ROBO1: variants seen among roughly 807,000 people sequenced by gnomAD.
The protein encoded by ROBO1 is roundabout guidance receptor 1, also known as roundabout homolog 1.
In ROBO1, 149 loss-of-function variants were observed where a neutral mutation model predicts 195.9. The observed-to-expected ratio is 0.76, with a 90% CI of 0.67 to 0.87. ROBO1 has a LOEUF of 0.87. ROBO1 is among the 40% of genes least tolerant of loss of function. The probability of loss-of-function intolerance (pLI) is 0.00; values close to 1 mark genes in which losing one functional copy is unlikely to be tolerated. For missense variants in ROBO1, 1,933 were observed against 2,068.3 expected (o/e 0.93, Z 1.27); for synonymous variants, 816 against 733.2 (o/e 1.11, Z -1.82).
In ROBO1 at chr3:79,290,894, C is replaced by T. The variant is rs146521705; in HGVS notation, c.89-165355G>A. Among the ~76,000 whole-genome samples the T allele has an allele frequency of 4.6e-3, 707 of 152,270 alleles. 4 individuals carry two copies. Among genetic ancestry groups the T allele is most frequent in the African/African-American group, 0.016 (679 of 41,546 alleles). ...ATCTAATTCTCTCCAGGTCACTACC[C>T]ACATTATCAGAAGACATTGAACTAT... On this transcript the variant is annotated intron_variant, in intron 2 of 30. Coordinates refer to ENST00000464233, the MANE Select transcript of ROBO1 (RefSeq NM_002941.4).
chr3:79,150,729 A>G (rs947311013), intron 2 of ROBO1, among the ~76,000 whole-genome samples: 7 of 151,830 alleles, frequency 4.6e-5, no homozygotes, highest in Non-Finnish European at 8.8e-5. Flanking sequence ...TTTACACATA[A>G]ATATTTACTA....
intron 3 of ROBO1, among the ~76,000 whole-genome samples, chr3:79,022,813 C>T (rs747998359): frequency 6.6e-6 from 1 of 152,180 alleles, no homozygotes; most frequent in Non-Finnish European, 1.5e-5. Context: ...AATTCAGGAT[C>T]TCCCCTGAGA....
intron 2 of ROBO1, among the ~76,000 whole-genome samples, chr3:79,558,778 T>C (rs1191328722): frequency 6.6e-6 from 1 of 152,194 alleles, no homozygotes; most frequent in African/African-American, 2.4e-5. Flanking sequence ...CTAATCACAA[T>C]AGCAGAGTAT....
chr3:79,509,245 A>T (rs7652893), intron 2 of ROBO1, among the ~76,000 whole-genome samples: 33,391 of 149,742 alleles, frequency 0.22, 4,365 homozygotes, highest in African/African-American at 0.34. Flanking sequence ...CTACTTTATT[A>T]TTTTTTTTTT....
chr3:79,094,639 T>C lies in ROBO1; in HGVS notation c.172+30817A>G, dbSNP rs184146367. On this transcript the variant is annotated intron_variant, in intron 3 of 30. Transcript: ENST00000464233. The stretch of plus-strand genomic sequence containing the variant: ...ATTTTTTTCAACTTTATGAAGAATA[T>C]TTAGTTTTAAATACTAATGTTCTTT... Among the ~76,000 whole-genome samples the C allele has an allele frequency of 2.6e-3, 390 of 152,272 alleles. 1 individual carries two copies. The highest frequency in any genetic ancestry group is 4.0e-3 in the Non-Finnish European group (274 of 68,018).
intron 9 of ROBO1, among the ~76,000 whole-genome samples, chr3:78,687,698 C>G (rs977488640): frequency 3.9e-5 from 6 of 152,186 alleles, no homozygotes; most frequent in Admixed American, 2.0e-4. Flanking sequence ...AATCAGAGGT[C>G]TCTGCAGTCT....
chr3:78,786,826 T>G (rs1453193728), intron 4 of ROBO1, among the ~76,000 whole-genome samples: 1 of 152,172 alleles, frequency 6.6e-6, no homozygotes, highest in Non-Finnish European at 1.5e-5. Flanking sequence ...TTACCCAGTC[T>G]CAGGTATTTC....
At position 78,607,951 on chromosome 3, in the gene ROBO1, C is replaced by G. The variant is rs1240200604; in HGVS notation, c.4436-910G>C. ...TCTACTATTCATTGATGGCATCTCA[C>G]CATTGTGTTTACGTACCCAGAGGTT... On this transcript the variant is annotated intron_variant, in intron 28 of 30. Coordinates refer to ENST00000464233, the MANE Select transcript of ROBO1 (RefSeq NM_002941.4). Among the ~76,000 whole-genome samples, 4 of 151,884 alleles carry G rather than the reference C, an allele frequency of 2.6e-5. No homozygotes were observed. The East Asian group carries it at 7.7e-4, about 29-fold the overall frequency.
Position 78,951,190 on chromosome 3 carries a change from C to T in ROBO1, c.173-12263G>A, listed in dbSNP as rs541479738. Among the ~76,000 whole-genome samples the T allele has an allele frequency of 1.5e-4, 23 of 151,840 alleles. No individual in the cohort carries two copies. The South Asian group carries it at 4.8e-3, about 32-fold the overall frequency. Reference sequence around the variant, plus strand: ...ATCTCATAAGAGTACGGATGAAAGCCTCCAAGTCCCAGATATCAGTGATTG... The same window carrying T: ...ATCTCATAAGAGTACGGATGAAAGCTTCCAAGTCCCAGATATCAGTGATTG... On this transcript the variant is annotated intron_variant, in intron 3 of 30. Transcript: ENST00000464233.
rs757415355 is a variant in ROBO1 at position 79,666,115 on chromosome 3, A to C, written c.-50-76154T>G. ...CCCAATTTCATAGAGATATATTTAGAAATTGCCAATAATGTACTCTACAAC... is the reference window on the plus strand; with the variant it reads ...CCCAATTTCATAGAGATATATTTAGCAATTGCCAATAATGTACTCTACAAC... On this transcript the variant is annotated intron_variant, in intron 1 of 30. Coordinates refer to ENST00000464233, the MANE Select transcript of ROBO1 (RefSeq NM_002941.4). 9.2e-5 allele frequency among the ~76,000 whole-genome samples: 14 copies of C among 151,996 alleles called. 1 individual carries two copies. The highest frequency in any genetic ancestry group is 1.5e-5 in the Non-Finnish European group (1 of 67,954).
At chr3:79,034,198 T>G (rs2078343847) in intron 3 of ROBO1, among the ~76,000 whole-genome samples, 1 of 152,222 alleles carries the variant, frequency 6.6e-6, no homozygotes, top group African/African-American at 2.4e-5. Flanking sequence ...TAAACATATT[T>G]TTTTACTTCC....
chr3:79,675,597 A>G (rs1434652755), intron 1 of ROBO1, among the ~76,000 whole-genome samples: 1 of 152,064 alleles, frequency 6.6e-6, no homozygotes, highest in Non-Finnish European at 1.5e-5. Flanking sequence ...AATAATCTAT[A>G]TATGAATAAT....
chr3:79,653,222 A>G (rs898807794), intron 1 of ROBO1, among the ~76,000 whole-genome samples: 2 of 151,882 alleles, frequency 1.3e-5, no homozygotes, highest in Non-Finnish European at 2.9e-5. Context: ...ATTTCATTAT[A>G]ATTTCATGAA....
At chr3:79,009,553 A>G (rs1159558436) in intron 3 of ROBO1, among the ~76,000 whole-genome samples, 1 of 152,334 alleles carries the variant, frequency 6.6e-6, no homozygotes, top group South Asian at 2.1e-4. Context: ...AACAGTAAGA[A>G]AAGCAAAAGA....
Position 79,481,176 on chromosome 3 carries a change from G to C in ROBO1, c.88+108648C>G, listed in dbSNP as rs1938833526. 2.0e-5 allele frequency among the ~76,000 whole-genome samples: 3 copies of C among 152,218 alleles called. No homozygotes were observed. In the South Asian group the frequency reaches 6.2e-4, roughly 32 times the overall value. On this transcript the variant is annotated intron_variant, in intron 2 of 30. Coordinates refer to ENST00000464233, the MANE Select transcript of ROBO1 (RefSeq NM_002941.4). The stretch of plus-strand genomic sequence containing the variant: ...AAATCGACTGCCTTGCAACGAAAAT[G>C]CCAAGGAGAGTATGAACAGAAATTG...
intron 4 of ROBO1, among the ~76,000 whole-genome samples, chr3:78,786,203 T>A (rs2108504230): frequency 6.6e-6 from 1 of 152,328 alleles, no homozygotes; most frequent in South Asian, 2.1e-4. Flanking sequence ...TAAAAGTTTC[T>A]GTCACCTGAG....
chr3:79,378,051 C>T (rs1189463447), intron 2 of ROBO1, among the ~76,000 whole-genome samples: 1 of 151,940 alleles, frequency 6.6e-6, no homozygotes, highest in Non-Finnish European at 1.5e-5. Context: ...CCTTTTTAAC[C>T]TCCAATATAT....
intron 3 of ROBO1, among the ~76,000 whole-genome samples, chr3:78,989,342 G>A (rs1288188022): frequency 6.6e-6 from 1 of 152,104 alleles, no homozygotes; most frequent in African/African-American, 2.4e-5. Flanking sequence ...GGTCAGGCAC[G>A]GGGGCTCATG....
At chr3:78,953,265 G>A (rs574706651) in intron 3 of ROBO1, among the ~76,000 whole-genome samples, 1 of 152,106 alleles carries the variant, frequency 6.6e-6, no homozygotes, top group East Asian at 1.9e-4. Context: ...GGAACTGGAA[G>A]GTTGAAGCTG....
Sources: gnomAD v4.1 joint callset for allele counts (sites outside exome capture counted in the v4.1 genomes callset) on GRCh38, gnomAD v4.1.1 for gene constraint, MANE v1.5 for transcripts, NCBI Gene and HGNC (gene_info 2026-07-23, HGNC 2026-07-21) for gene names.